Variants in CPED1 observed in about 807,000 individuals in gnomAD.
CPED1 encodes cadherin like and PC-esterase domain containing 1, also known as cadherin-like and PC-esterase domain-containing protein 1.
CPED1 carries 114 observed loss-of-function variants against 128.2 expected under a neutral mutation model. The observed-to-expected ratio is 0.89, with a 90% CI of 0.76 to 1.04. The LOEUF is 1.04. CPED1 is among the 50% of genes least tolerant of loss of function. The probability of loss-of-function intolerance (pLI) is 0.00; values close to 1 mark genes in which losing one functional copy is unlikely to be tolerated. For synonymous variants in CPED1, 462 were observed against 426.7 expected (o/e 1.08, Z -1.02); for missense variants, 1,211 against 1,207.1 (o/e 1.00, Z -0.05).
chr7:121,222,680 T>G (rs4268069), intron 16 of CPED1, among the ~76,000 whole-genome samples: 60,063 of 152,006 alleles, frequency 0.4, 12,392 homozygotes, highest in Middle Eastern at 0.52. Context: ...ACATCCCTCC[T>G]AAGTTGGATT....
chr7:121,242,280 C>T (rs922968872), intron 17 of CPED1, among the ~76,000 whole-genome samples: 1 of 152,274 alleles, frequency 6.6e-6, no homozygotes, highest in South Asian at 2.1e-4. Context: ...GCTGACTGCC[C>T]TGCTCAAATC....
intron 22 of CPED1, among the ~76,000 whole-genome samples, chr7:121,292,355 T>C (rs1238350766): frequency 2.0e-5 from 3 of 151,988 alleles, no homozygotes; most frequent in Non-Finnish European, 2.9e-5. Context: ...GCTGTGTTTT[T>C]CAGCTCCATC....
At chr7:121,242,845 C>A (rs1433163047) in intron 17 of CPED1, among the ~76,000 whole-genome samples, 1 of 152,042 alleles carries the variant, frequency 6.6e-6, no homozygotes, top group African/African-American at 2.4e-5. Flanking sequence ...CAGTTTCTCT[C>A]TCTTAATATA....
chr7:121,107,167 C>T (rs928746394), intron 7 of CPED1, among the ~76,000 whole-genome samples: 1 of 152,064 alleles, frequency 6.6e-6, no homozygotes, highest in Non-Finnish European at 1.5e-5. Flanking sequence ...AGGCAAAACT[C>T]CCTGCAATCT....
intron 18 of CPED1, among the ~76,000 whole-genome samples, chr7:121,257,885 A>G (rs1791923034): frequency 6.6e-6 from 1 of 152,108 alleles, no homozygotes; most frequent in African/African-American, 2.4e-5. Flanking sequence ...TTTGTTTTCT[A>G]TACACATTAT....
At chr7:121,135,539 G>A (rs1011498912) in intron 13 of CPED1, among the ~76,000 whole-genome samples, 17 of 152,068 alleles carry the variant, frequency 1.1e-4, no homozygotes, top group Admixed American at 2.0e-4. Flanking sequence ...AGAGCTGAGA[G>A]AAACTGCCTT....
intron 18 of CPED1, chr7:121,261,529 A>G: frequency 2.0e-6 from 3 of 1,509,152 alleles, no homozygotes; most frequent in Middle Eastern, 3.4e-4. Context: ...GTATTTGGCC[A>G]TGAGACTGAG....
At chr7:121,081,512 C>G (rs1330477733) in intron 5 of CPED1, among the ~76,000 whole-genome samples, 1 of 152,144 alleles carries the variant, frequency 6.6e-6, no homozygotes, top group Non-Finnish European at 1.5e-5. Flanking sequence ...TCTCCTAGCA[C>G]CATCTAATGG....
intron 22 of CPED1, among the ~76,000 whole-genome samples, chr7:121,294,334 G>T (rs1187066968): frequency 6.6e-6 from 1 of 152,038 alleles, no homozygotes; most frequent in Non-Finnish European, 1.5e-5. Flanking sequence ...TAAACTTTTT[G>T]TTATATACCC....
rs527909063 is a variant in CPED1 at position 121,088,552 on chromosome 7, G to A, written c.617-9147G>A. Among the ~76,000 whole-genome samples, 205 of 151,362 alleles carry A rather than the reference G, an allele frequency of 1.4e-3. 1 individual carries two copies. Among genetic ancestry groups the A allele is most frequent in the African/African-American group, 4.6e-3 (188 of 41,278 alleles). On this transcript the variant is annotated intron_variant, in intron 5 of 22. Coordinates refer to ENST00000310396, the MANE Select transcript of CPED1 (RefSeq NM_024913.5). ...TGTGCGCCTGTAATTCCAGCTACTC[G>A]GGAGGCTGAGGCAGGAGAATCGCAT...
intron 5 of CPED1, among the ~76,000 whole-genome samples, chr7:121,067,375 T>TG (rs1438372543): frequency 1.3e-5 from 2 of 152,162 alleles, no homozygotes; most frequent in African/African-American, 4.8e-5. Context: ...TTTGTTTTTT[T>TG]GTCCTTGCGA....
chr7:121,258,409 G>A (rs934028173), intron 18 of CPED1, among the ~76,000 whole-genome samples: 2 of 152,124 alleles, frequency 1.3e-5, no homozygotes, highest in Non-Finnish European at 2.9e-5. Context: ...ACTGGATCCA[G>A]CCTGGAAAGA....
At chr7:121,018,180 T>A (rs1562993748) in intron 3 of CPED1, among the ~76,000 whole-genome samples, 1 of 152,194 alleles carries the variant, frequency 6.6e-6, no homozygotes, top group Non-Finnish European at 1.5e-5. Context: ...TAACATTTCC[T>A]TGATGATTTA....
rs60707894 is a variant in CPED1 at position 121,091,175 on chromosome 7, G to GAA, written c.617-6515_617-6514dup. Among the ~76,000 whole-genome samples the GAA allele has an allele frequency of 4.3e-4, 65 of 149,476 alleles. No individual in the cohort carries two copies. In the South Asian group the frequency reaches 5.0e-3, roughly 12 times the overall value. On this transcript the variant is annotated intron_variant, in intron 5 of 22. Coordinates refer to ENST00000310396, the MANE Select transcript of CPED1 (RefSeq NM_024913.5). ...AAGAGACTTAAATACTGCAGTAACT[G>GAA]AAAAAAAAAATTGCAGTAACTGACT... is the stretch of plus-strand genomic sequence containing the variant.
In CPED1 at chr7:121,015,757, A is replaced by G. The variant is rs1388506081; in HGVS notation, c.342A>G (p.Leu114=). The G allele has an allele frequency of 6.2e-7, 1 of 1,612,082 alleles. No homozygotes were observed. Among genetic ancestry groups the G allele is most frequent in the African/African-American group, 1.3e-5 (1 of 74,806 alleles). Residue 114 remains leucine (L), a synonymous_variant, in exon 3 of 23, where the codon CTA becomes CTG. Coordinates refer to ENST00000310396, the MANE Select transcript of CPED1 (RefSeq NM_024913.5). ...TCTACAGCAAAACAGAGCTTCAGCTACACCAGCACATTCTGACTCAACATG... is the reference window on the plus strand; with the variant it reads ...TCTACAGCAAAACAGAGCTTCAGCTGCACCAGCACATTCTGACTCAACATG... ...PPFYSKTELQ[L]HQHILTQHGY...
At chr7:121,137,975 C>G (rs574736624) in intron 14 of CPED1, among the ~76,000 whole-genome samples, 1 of 152,058 alleles carries the variant, frequency 6.6e-6, no homozygotes, top group East Asian at 1.9e-4. Context: ...TTTCCAGTTC[C>G]CATGTAATAT....
At position 121,188,415 on chromosome 7, in the gene CPED1, C is replaced by G. The variant is rs115836029; in HGVS notation, c.2055+46274C>G. 5.3e-3 allele frequency among the ~76,000 whole-genome samples: 805 copies of G among 152,244 alleles called. 8 individuals are homozygous for G. The highest frequency in any genetic ancestry group is 0.018 in the African/African-American group (766 of 41,552). The stretch of plus-strand genomic sequence containing the variant: ...CTTCAAGCATTTATCCTTTGCATCA[C>G]AAACAACAAAATTACACTCTTTATT... On this transcript the variant is annotated intron_variant, in intron 16 of 22. Transcript: ENST00000310396.
At chr7:121,160,589 G>C (rs1419466606) in intron 16 of CPED1, among the ~76,000 whole-genome samples, 1 of 152,076 alleles carries the variant, frequency 6.6e-6, no homozygotes, top group African/African-American at 2.4e-5. Context: ...TTAGTAACAG[G>C]GTCTGAGGAA....
At chr7:121,256,129 C>CAAAAAAA (rs201393067) in intron 18 of CPED1, among the ~76,000 whole-genome samples, 5 of 101,262 alleles carry the variant, frequency 4.9e-5, no homozygotes, top group Admixed American at 1.1e-4. Context: ...AAAAACAAAA[C>CAAAAAAA]AAAAAAAAAA....
Sources: allele counts gnomAD v4.1 joint callset (sites outside exome capture counted in the v4.1 genomes callset), GRCh38; gene constraint gnomAD v4.1.1; transcripts MANE v1.5; gene names NCBI Gene and HGNC (gene_info 2026-07-23, HGNC 2026-07-21).